TDRP: variants seen among roughly 807,000 people sequenced by gnomAD.
TDRP encodes testis development related protein.
TDRP carries 12 observed loss-of-function variants against 10.5 expected under a neutral mutation model. The observed-to-expected ratio is 1.15, with a 90% CI of 0.73 to 1.86. TDRP has a LOEUF of 1.86. Ranked by LOEUF, TDRP falls within the 40% of genes most tolerant of loss-of-function variation. The probability of loss-of-function intolerance (pLI) is 0.00; values close to 1 mark genes in which losing one functional copy is unlikely to be tolerated. For missense variants in TDRP, 353 were observed against 229.2 expected, an observed-to-expected ratio of 1.54 and a Z score of -3.49; for synonymous variants, 139 against 95.4, an observed-to-expected ratio of 1.46 and a Z score of -2.67.
chr8:539,353 A>G (rs1348189680), intron 1 of TDRP, among the ~76,000 whole-genome samples: 1 of 152,196 alleles, frequency 6.6e-6, no homozygotes, highest in Non-Finnish European at 1.5e-5. Context: ...GCCCCTCACC[A>G]AGAACGAAGC....
intron 1 of TDRP, among the ~76,000 whole-genome samples, chr8:498,223 G>A (rs1801186707): frequency 1.3e-5 from 2 of 152,244 alleles, no homozygotes; most frequent in African/African-American, 4.8e-5. Context: ...AAAGCCACAG[G>A]CACTCAATGC....
At chr8:499,577 A>G (rs1349313509) in intron 1 of TDRP, among the ~76,000 whole-genome samples, 1 of 152,196 alleles carries the variant, frequency 6.6e-6, no homozygotes, top group African/African-American at 2.4e-5. Flanking sequence ...CAGGTGAGCA[A>G]TTAGAAGAGG....
chr8:510,751 A>C (rs553894417), intron 1 of TDRP, among the ~76,000 whole-genome samples: 30 of 152,258 alleles, frequency 2.0e-4, no homozygotes, highest in Non-Finnish European at 4.0e-4. Context: ...CTTCAGCTGA[A>C]AACGAGGAAC....
chr8:544,487 G>A (rs1011107377), intron 1 of TDRP, among the ~76,000 whole-genome samples, 163 bp downstream of exon 1: 4 of 152,066 alleles, frequency 2.6e-5, no homozygotes, highest in African/African-American at 9.7e-5. Flanking sequence ...TCCGCACTCG[G>A]GCACCTAGCG....
At chr8:544,955 C>G (rs1282808207), upstream of TDRP, 5 of 345,184 alleles carry the variant, frequency 1.4e-5, 1 homozygote, top group Admixed American at 2.0e-4. Context: ...TCCCCAGGAC[C>G]CGGCCCGCCC....
At chr8:509,166 T>A (rs1801544589) in intron 1 of TDRP, among the ~76,000 whole-genome samples, 1 of 152,168 alleles carries the variant, frequency 6.6e-6, no homozygotes, top group Non-Finnish European at 1.5e-5. Flanking sequence ...TGGTATTGAG[T>A]GTCTGCAGCT....
At chr8:537,614 G>A (rs117717594) in intron 1 of TDRP, among the ~76,000 whole-genome samples, 6,442 of 152,274 alleles carry the variant, frequency 0.042, 200 homozygotes, top group Non-Finnish European at 0.066. Flanking sequence ...GAGGTTTTTA[G>A]AAGTCTTCAT....
In TDRP at chr8:495,894, A is replaced by T. The variant is rs116837479; in HGVS notation, c.109-1297T>A. On this transcript the variant is annotated intron_variant, in intron 1 of 2. Transcript: ENST00000324079. ...TGACCCTGAAAACTAACCAGGGACT[A>T]AGGGGTCCCACTTTTACTTCCCATA... Among the ~76,000 whole-genome samples, 578 of 152,324 alleles carry T rather than the reference A, an allele frequency of 3.8e-3. 5 individuals carry two copies. Among genetic ancestry groups the T allele is most frequent in the African/African-American group, 0.013 (552 of 41,582 alleles).
At chr8:532,425 A>G (rs1381782993) in intron 1 of TDRP, among the ~76,000 whole-genome samples, 1 of 152,224 alleles carries the variant, frequency 6.6e-6, no homozygotes, top group Non-Finnish European at 1.5e-5. Context: ...TGCTGACTAC[A>G]GAAATGCACT....
chr8:524,938 A>C (rs556683733), intron 1 of TDRP, among the ~76,000 whole-genome samples: 1 of 152,214 alleles, frequency 6.6e-6, no homozygotes, highest in African/African-American at 2.4e-5. Flanking sequence ...TCCTAGAGAA[A>C]GACATCTATA....
At chr8:511,021 A>T (rs930106019) in intron 1 of TDRP, among the ~76,000 whole-genome samples, 5 of 152,216 alleles carry the variant, frequency 3.3e-5, no homozygotes, top group African/African-American at 1.2e-4. Flanking sequence ...AATAAATGAA[A>T]ATGTTGAATT....
intron 1 of TDRP, among the ~76,000 whole-genome samples, chr8:499,457 T>C (rs1272446027): frequency 6.6e-6 from 1 of 152,080 alleles, no homozygotes; most frequent in Admixed American, 6.5e-5. Flanking sequence ...CTGCTGCACA[T>C]CCCATCAGAT....
intron 1 of TDRP, among the ~76,000 whole-genome samples, chr8:524,814 G>C (rs779033154): frequency 1.3e-5 from 2 of 152,128 alleles, no homozygotes; most frequent in African/African-American, 4.8e-5. Context: ...ACAGGATCTA[G>C]AAAATAGCCT....
At chr8:532,926 C>G (rs1802245415) in intron 1 of TDRP, among the ~76,000 whole-genome samples, 1 of 152,174 alleles carries the variant, frequency 6.6e-6, no homozygotes, top group Non-Finnish European at 1.5e-5. Flanking sequence ...ACCCCAAAGC[C>G]TAAAACAGTT....
rs1001944997 is a variant in TDRP at position 510,313 on chromosome 8, G to A, written c.109-15716C>T. On this transcript the variant is annotated intron_variant, in intron 1 of 2. Coordinates refer to ENST00000324079, the MANE Select transcript of TDRP (RefSeq NM_001384899.1). ...TTCTGGTAACCACCCCCCATCCCGA[G>A]GCTATCTAGGGGCCCACTTCAAGTC... Among the ~76,000 whole-genome samples, 4 of 152,096 alleles carry A rather than the reference G, an allele frequency of 2.6e-5. No homozygotes were observed. The East Asian group carries it at 7.7e-4, about 29-fold the overall frequency.
In TDRP at chr8:544,826, G is replaced by A. The variant is rs1563136258; in HGVS notation, c.-69C>T. On this transcript the variant is annotated 5_prime_UTR_variant, in exon 1 of 3. Transcript: ENST00000324079. ...TGGCTCCGCGTCCCTCCCGGCCGCC[G>A]GACGCTCTGCCTGCGGCTCCTGCGG... is the stretch of plus-strand genomic sequence containing the variant. 2.7e-6 allele frequency: 3 copies of A among 1,131,316 alleles called. No homozygotes were observed. The highest frequency in any genetic ancestry group is 3.3e-6 in the Non-Finnish European group (3 of 899,032). 70.1% of individuals were successfully genotyped at this position (1,131,316 alleles called of 1,614,324 possible). A position where few individuals can be genotyped will look rare whatever the true frequency, so the allele number is the denominator to read the frequency against.
chr8:530,836 C>T (rs1264696857), intron 1 of TDRP, among the ~76,000 whole-genome samples: 1 of 152,208 alleles, frequency 6.6e-6, no homozygotes, highest in African/African-American at 2.4e-5. Flanking sequence ...GCACTTTCCA[C>T]TCTTCCCATT....
intron 1 of TDRP, among the ~76,000 whole-genome samples, chr8:508,391 A>T (rs1249276391): frequency 6.6e-6 from 1 of 152,232 alleles, no homozygotes; most frequent in Non-Finnish European, 1.5e-5. Flanking sequence ...AAGCAGTTTA[A>T]TTGACTCAGT....
chr8:527,145 C>T (rs1314377268), intron 1 of TDRP, among the ~76,000 whole-genome samples: 1 of 151,542 alleles, frequency 6.6e-6, no homozygotes, highest in East Asian at 1.9e-4. Context: ...CAAAAGCAGA[C>T]AATCTGAAAA....
Sources: gnomAD v4.1 joint callset for allele counts (sites outside exome capture counted in the v4.1 genomes callset) on GRCh38, gnomAD v4.1.1 for gene constraint, MANE v1.5 for transcripts, NCBI Gene and HGNC (gene_info 2026-07-23, HGNC 2026-07-21) for gene names.